The following PKD2L2 variants were observed in gnomAD, a reference collection of about 807,000 sequenced individuals.
PKD2L2 encodes the protein polycystin-2-like protein 2.
Under a neutral mutation model 83.9 loss-of-function variants are expected in PKD2L2, and 67 were observed. The ratio of observed to expected loss-of-function variants is 0.80; its 90% confidence interval spans 0.66 to 0.98. The LOEUF is 0.98. Among genes scored for constraint, PKD2L2 ranks in the 50% least tolerant of loss-of-function variants. The pLI is 0.00. For missense variants in PKD2L2, 632 were observed against 717.2 expected (o/e 0.88, Z 1.36); for synonymous variants, 223 against 237.8 (o/e 0.94, Z 0.57).
At chr5:137,934,279 G>A (rs1760122406) in intron 12 of PKD2L2, among the ~76,000 whole-genome samples, 1 of 152,068 alleles carries the variant, frequency 6.6e-6, no homozygotes. Context: ...TGTCAAGGAA[G>A]GCTTCACAAA....
At chr5:137,931,999 G>A (rs1265109375) in intron 12 of PKD2L2, among the ~76,000 whole-genome samples, 1 of 152,122 alleles carries the variant, frequency 6.6e-6, no homozygotes, top group East Asian at 1.9e-4. Flanking sequence ...CAGCAACAAA[G>A]TAGAAAATGC....
chr5:137,909,538 ATTTTTTTT>A (rs144393648), intron 8 of PKD2L2, among the ~76,000 whole-genome samples: 1 of 85,332 alleles, frequency 1.2e-5, no homozygotes. Flanking sequence ...GACAAAAGAA[ATTTTTTTT>A]TTTTTTTTTT....
At chr5:137,893,445 A>C (rs888564624) in intron 3 of PKD2L2, among the ~76,000 whole-genome samples, 4 of 152,206 alleles carry the variant, frequency 2.6e-5, no homozygotes, top group Admixed American at 1.3e-4. Flanking sequence ...AGTTTCAGCT[A>C]TCCCAGGTCA....
intron 7 of PKD2L2, 67 bp downstream of exon 7, chr5:137,907,979 A>C: frequency 1.4e-6 from 1 of 725,896 alleles, no homozygotes; most frequent in Non-Finnish European, 2.0e-6. Flanking sequence ...TTAAACTAAA[A>C]AGCCATGGGG....
At chr5:137,904,083 A>G (rs1337413390) in intron 5 of PKD2L2, among the ~76,000 whole-genome samples, 1 of 152,122 alleles carries the variant, frequency 6.6e-6, no homozygotes, top group East Asian at 1.9e-4. Context: ...AAACCTTATG[A>G]TTTTAATCTC....
chr5:137,916,108 G>A (rs1758311995), intron 8 of PKD2L2, among the ~76,000 whole-genome samples: 1 of 150,948 alleles, frequency 6.6e-6, no homozygotes, highest in African/African-American at 2.4e-5. Flanking sequence ...GGGCTCCAGT[G>A]ATCCACCCAC....
chr5:137,934,716 G>A (rs983903277), intron 12 of PKD2L2, among the ~76,000 whole-genome samples: 3 of 152,154 alleles, frequency 2.0e-5, no homozygotes, highest in African/African-American at 7.2e-5. Context: ...GGAGGCTGAG[G>A]AAGGAGAATC....
intron 4 of PKD2L2, among the ~76,000 whole-genome samples, 157 bp from the exon 5 acceptor site, chr5:137,899,359 C>T (rs912791477): frequency 1.3e-5 from 2 of 152,194 alleles, no homozygotes; most frequent in Admixed American, 1.3e-4. Context: ...TCAAGGGATC[C>T]GCCTACCTCG....
intron 8 of PKD2L2, among the ~76,000 whole-genome samples, chr5:137,911,536 T>A (rs1333514191): frequency 6.6e-6 from 1 of 152,162 alleles, no homozygotes; most frequent in Non-Finnish European, 1.5e-5. Context: ...TCCAGACTTA[T>A]TAAGGTATAA....
At chr5:137,928,454 C>A (rs1759565219) in intron 12 of PKD2L2, among the ~76,000 whole-genome samples, 1 of 150,592 alleles carries the variant, frequency 6.6e-6, no homozygotes, top group Admixed American at 6.6e-5. Context: ...CATAATACGA[C>A]AAGGTTAGCT....
At chr5:137,898,495 A>G (rs1044386521) in intron 4 of PKD2L2, among the ~76,000 whole-genome samples, 13 of 152,224 alleles carry the variant, frequency 8.5e-5, no homozygotes, top group African/African-American at 3.1e-4. Context: ...TGTTAAAGAA[A>G]AAAAACAGTC....
At chr5:137,930,468 C>T (rs998753638) in intron 12 of PKD2L2, among the ~76,000 whole-genome samples, 5 of 151,760 alleles carry the variant, frequency 3.3e-5, no homozygotes, top group East Asian at 3.9e-4. Flanking sequence ...GTCAGGAGTT[C>T]GAGACCAGCC....
At chr5:137,929,550 A>AC (rs1233593011) in intron 12 of PKD2L2, among the ~76,000 whole-genome samples, 2 of 148,240 alleles carry the variant, frequency 1.3e-5, no homozygotes, top group African/African-American at 4.9e-5. Context: ...AAAAAAAAAA[A>AC]AAAAAAAAAC....
intron 14 of PKD2L2, among the ~76,000 whole-genome samples, chr5:137,941,545 AC>A (rs1404132738): frequency 6.6e-6 from 1 of 152,194 alleles, no homozygotes; most frequent in Non-Finnish European, 1.5e-5. Context: ...ACCTCAACAC[AC>A]AGTATGAACA....
At chr5:137,935,695 A>T in intron 12 of PKD2L2, 102 bp from the exon 13 acceptor site, 1 of 660,060 alleles carries the variant, frequency 1.5e-6, no homozygotes, top group Non-Finnish European at 2.6e-6. Flanking sequence ...AGGGCTGGAG[A>T]GGAGAACAGC....
chr5:137,935,070 G>A (rs147279810), intron 12 of PKD2L2, among the ~76,000 whole-genome samples: 177 of 152,308 alleles, frequency 1.2e-3, no homozygotes, highest in Non-Finnish European at 1.2e-3. Context: ...CATTATTGCT[G>A]GAGCAGGGAA....
rs1406261366 is a variant in PKD2L2, at chr5:137,890,558, AT to A, written c.116del (p.Leu39Ter). On this transcript the variant is annotated frameshift_variant, in exon 2 of 15. Coordinates refer to ENST00000508883, the MANE Select transcript of PKD2L2 (RefSeq NM_001300921.2). LOFTEE classifies it high-confidence loss of function. ...TTLQELLLYF[I>X]FLINLCILTF... ...ACTTCAGGAATTGTTACTCTACTTT[AT>A]TTTTTTAATAAACCTATGTATATGT... 10 of 1,490,812 alleles carry A rather than the reference AT, an allele frequency of 6.7e-6. No individual in the cohort carries two copies. The highest frequency in any genetic ancestry group is 1.2e-5 in the South Asian group (1 of 81,488). The allele number at this position is 1,490,812 out of a possible 1,614,324, so 92.3% of individuals were successfully genotyped here.
chr5:137,913,574 T>A (rs943029666), intron 8 of PKD2L2, among the ~76,000 whole-genome samples: 7 of 149,466 alleles, frequency 4.7e-5, no homozygotes, highest in African/African-American at 1.5e-4. Flanking sequence ...CACTGCAACC[T>A]CCACCTCCCA....
chr5:137,895,103 A>G (rs1172565085), intron 4 of PKD2L2, among the ~76,000 whole-genome samples: 1 of 152,258 alleles, frequency 6.6e-6, no homozygotes, highest in East Asian at 1.9e-4. Context: ...GATGCTTTAC[A>G]AAGATGCTAT....
Sources: gnomAD v4.1 joint callset for allele counts (sites outside exome capture counted in the v4.1 genomes callset) on GRCh38, gnomAD v4.1.1 for gene constraint, MANE v1.5 for transcripts, NCBI Gene and HGNC (gene_info 2026-07-23, HGNC 2026-07-21) for gene names.